MCPH1: variants seen among roughly 807,000 people sequenced by gnomAD.
MCPH1 encodes the protein microcephalin 1, also known as microcephalin.
A neutral mutation model predicts 84.5 loss-of-function variants in MCPH1; 104 were observed. That is an observed-to-expected ratio of 1.23 (90% CI 1.05 to 1.45). MCPH1 has a LOEUF of 1.45. MCPH1 is among the 40% of genes most tolerant of loss of function. The probability of loss-of-function intolerance (pLI) is 0.00; values close to 1 mark genes in which losing one functional copy is unlikely to be tolerated. For missense variants in MCPH1, 1,498 were observed against 1,005.7 expected, an observed-to-expected ratio of 1.49 and a Z score of -6.62; for synonymous variants, 514 against 366.8, an observed-to-expected ratio of 1.40 and a Z score of -4.58.
rs115046843 is a variant in MCPH1, at chr8:6,512,152, A to G, written c.2214+12223A>G. Among the ~76,000 whole-genome samples, 1,120 of 152,324 alleles carry G rather than the reference A, an allele frequency of 7.4e-3. 12 individuals are homozygous for G. The highest frequency in any genetic ancestry group is 0.026 in the African/African-American group (1,062 of 41,558). On this transcript the variant is annotated intron_variant, in intron 12 of 13. Coordinates refer to ENST00000344683, the MANE Select transcript of MCPH1 (RefSeq NM_024596.5). ...TAGTGAATATGCTTCACTGATGTTT[A>G]AAGAGTCACATCCATGTATATCTGT...
chr8:6,419,185 ACACG>A (rs754245413), intron 3 of MCPH1, among the ~76,000 whole-genome samples: 4,391 of 49,022 alleles, frequency 0.09, 190 homozygotes, highest in East Asian at 0.19. Context: ...ACACACACAC[ACACG>A]CATTTTTACC....
rs370490448 is a variant in MCPH1, at chr8:6,444,378, G to A, written c.671-15G>A. On this transcript the variant is annotated splice_polypyrimidine_tract_variant and intron_variant, in intron 7 of 13. Transcript: ENST00000344683. ...AACCACTTTTAAAAGTTAGCTCTCCGTTAATGTTTTCCAGATGAATACTTT... is the reference window on the plus strand; with the variant it reads ...AACCACTTTTAAAAGTTAGCTCTCCATTAATGTTTTCCAGATGAATACTTT... The A allele has an allele frequency of 6.9e-5, 111 of 1,613,908 alleles. No homozygotes were observed. The South Asian group carries it at 1.0e-3, about 15-fold the overall frequency.
Position 6,538,531 on chromosome 8 carries a change from C to T in MCPH1, c.2214+38602C>T, listed in dbSNP as rs2129573085. Among the ~76,000 whole-genome samples, 4 of 152,312 alleles carry T rather than the reference C, an allele frequency of 2.6e-5. No individual in the cohort carries two copies. In the Middle Eastern group the frequency reaches 0.014, roughly 518 times the overall value. On this transcript the variant is annotated intron_variant, in intron 12 of 13. Coordinates refer to ENST00000344683, the MANE Select transcript of MCPH1 (RefSeq NM_024596.5). ...GACTGGCGCCCCTGATCTTGTGGGC[C>T]TCAGACCTGGGCGCGCACTGTCCTT...
intron 8 of MCPH1, chr8:6,446,030 A>C: frequency 1.0e-6 from 1 of 979,850 alleles, no homozygotes; most frequent in Non-Finnish European, 1.2e-6. Flanking sequence ...ATCTGTTGTC[A>C]ATATTGATTT....
At chr8:6,532,098 T>G (rs1819629241) in intron 12 of MCPH1, among the ~76,000 whole-genome samples, 1 of 152,208 alleles carries the variant, frequency 6.6e-6, no homozygotes, top group South Asian at 2.1e-4. Flanking sequence ...GACTCACATG[T>G]CTTCAGTAGA....
chr8:6,446,462 C>G (rs1163083219), intron 8 of MCPH1: 2 of 985,104 alleles, frequency 2.0e-6, no homozygotes, highest in East Asian at 1.1e-4. Context: ...TGAGTATACG[C>G]TCCCCAAAAT....
At chr8:6,551,398 A>T (rs1200812590) in intron 12 of MCPH1, among the ~76,000 whole-genome samples, 1 of 152,254 alleles carries the variant, frequency 6.6e-6, no homozygotes, top group South Asian at 2.1e-4. Flanking sequence ...TAAACAAATT[A>T]TATGTATTAA....
intron 5 of MCPH1, among the ~76,000 whole-genome samples, chr8:6,437,793 T>G (rs76689721): frequency 6.6e-6 from 1 of 152,126 alleles, no homozygotes; most frequent in African/African-American, 2.4e-5. Context: ...TGGCCCTGCT[T>G]CTGAAATAGT....
intron 12 of MCPH1, among the ~76,000 whole-genome samples, chr8:6,602,182 CTT>C (rs1311906894): frequency 6.6e-6 from 1 of 152,334 alleles, no homozygotes; most frequent in African/African-American, 2.4e-5. Flanking sequence ...AGCAGAAAGA[CTT>C]AGGAAGGGTG....
intron 12 of MCPH1, among the ~76,000 whole-genome samples, chr8:6,543,867 C>T (rs1309476327): frequency 6.6e-6 from 1 of 152,138 alleles, no homozygotes; most frequent in Non-Finnish European, 1.5e-5. Context: ...TGTACATCTG[C>T]CTGGGCTTTG....
intron 12 of MCPH1, among the ~76,000 whole-genome samples, chr8:6,590,656 G>C (rs1227651770): frequency 6.6e-6 from 1 of 152,166 alleles, no homozygotes; most frequent in Non-Finnish European, 1.5e-5. Context: ...AAAACATAAA[G>C]GAAAAAATAA....
chr8:6,445,654 T>C (rs2129555800), intron 8 of MCPH1, 107 bp downstream of exon 8: 3 of 1,468,098 alleles, frequency 2.0e-6, no homozygotes, highest in Non-Finnish European at 2.7e-6. Flanking sequence ...CCCCATTTAC[T>C]CCTCTTTTTA....
intron 12 of MCPH1, among the ~76,000 whole-genome samples, chr8:6,612,006 G>T (rs768899157): frequency 1.3e-5 from 2 of 152,186 alleles, no homozygotes; most frequent in African/African-American, 4.8e-5. Flanking sequence ...TTGCGGGGGT[G>T]GGGCTGAAAG....
chr8:6,558,609 C>G (rs967619571), intron 12 of MCPH1, among the ~76,000 whole-genome samples: 1 of 152,074 alleles, frequency 6.6e-6, no homozygotes, highest in Non-Finnish European at 1.5e-5. Context: ...TGATTAAAAT[C>G]AGAAGATTTT....
intron 13 of MCPH1, among the ~76,000 whole-genome samples, chr8:6,632,842 G>T (rs1183293198): frequency 6.6e-6 from 1 of 151,868 alleles, no homozygotes; most frequent in Non-Finnish European, 1.5e-5. Context: ...TCAGAAATAA[G>T]ATATTTCATC....
intron 9 of MCPH1, chr8:6,474,067 A>G: frequency 1.3e-6 from 1 of 796,782 alleles, no homozygotes; most frequent in Admixed American, 1.7e-5. Flanking sequence ...ATATGTTGGC[A>G]TCTATTCTCA....
intron 3 of MCPH1, among the ~76,000 whole-genome samples, chr8:6,423,964 A>G (rs1361641369): frequency 6.6e-6 from 1 of 152,184 alleles, no homozygotes; most frequent in African/African-American, 2.4e-5. Context: ...TAGAGATAAG[A>G]GCCAAACTGA....
At chr8:6,642,495 G>C (rs1223326782) in intron 13 of MCPH1, among the ~76,000 whole-genome samples, 1 of 152,196 alleles carries the variant, frequency 6.6e-6, no homozygotes, top group Non-Finnish European at 1.5e-5. Context: ...GTTTTAGAAA[G>C]TATGCTTATT....
At chr8:6,504,360 A>T (rs1563303260) in intron 12 of MCPH1, among the ~76,000 whole-genome samples, 1 of 150,778 alleles carries the variant, frequency 6.6e-6, no homozygotes, top group Non-Finnish European at 1.5e-5. Context: ...CTTAAATTGC[A>T]TGCCGTTCTG....
Sources: gnomAD v4.1 joint callset for allele counts (sites outside exome capture counted in the v4.1 genomes callset) on GRCh38, gnomAD v4.1.1 for gene constraint, MANE v1.5 for transcripts, NCBI Gene and HGNC (gene_info 2026-07-23, HGNC 2026-07-21) for gene names.